Variants in CLEC16A observed in about 807,000 individuals in gnomAD.
CLEC16A encodes the protein protein CLEC16A.
A neutral mutation model predicts 109.5 loss-of-function variants in CLEC16A; 51 were observed. That is an observed-to-expected ratio of 0.47 (90% CI 0.37 to 0.59). The LOEUF (loss-of-function observed/expected upper bound fraction) is 0.59. Ranked by LOEUF, CLEC16A falls within the 20% of genes least tolerant of loss-of-function variation. The pLI is 0.00. For synonymous variants in CLEC16A, 673 were observed against 564.2 expected (o/e 1.19, Z -2.73); for missense variants, 1,339 against 1,394.0 (o/e 0.96, Z 0.63).
At chr16:11,019,259 C>A (rs1260200779) in intron 11 of CLEC16A, among the ~76,000 whole-genome samples, 1 of 152,200 alleles carries the variant, frequency 6.6e-6, no homozygotes, top group Non-Finnish European at 1.5e-5. Context: ...AAAGCCCAAC[C>A]CTCATCCATC....
intron 19 of CLEC16A, among the ~76,000 whole-genome samples, chr16:11,082,536 G>A (rs2049782223): frequency 6.6e-6 from 1 of 152,164 alleles, no homozygotes; most frequent in African/African-American, 2.4e-5. Flanking sequence ...CTATCCCAGT[G>A]GGTTTACTGG....
At chr16:11,166,609 A>G (rs2153092584) in intron 23 of CLEC16A, 57 bp downstream of exon 23, 1 of 1,478,782 alleles carries the variant, frequency 6.8e-7, no homozygotes, top group Non-Finnish European at 9.0e-7. Context: ...GTGATCCCTC[A>G]CCATTACCAA....
rs1426090637 is a variant in CLEC16A, at chr16:11,111,237, CATT to C, written c.2117-9377_2117-9375del. On this transcript the variant is annotated intron_variant, in intron 19 of 23. Transcript: ENST00000409790. The stretch of plus-strand genomic sequence containing the variant: ...ATGGCTTAAAACAACTATGGGAATT[CATT>C]TTGCTAGCAAATGTATAATTTGCCC... Among the ~76,000 whole-genome samples, 5 of 152,172 alleles carry C rather than the reference CATT, an allele frequency of 3.3e-5. No homozygotes were observed. In the East Asian group the frequency reaches 5.8e-4, roughly 18 times the overall value.
chr16:10,944,698 G>A lies in CLEC16A; in HGVS notation c.-20G>A, dbSNP rs770541297. On this transcript the variant is annotated 5_prime_UTR_variant, in exon 1 of 24. Coordinates refer to ENST00000409790, the MANE Select transcript of CLEC16A (RefSeq NM_015226.3). ...TCCGGCATGAGACCGTGAGACGAGAGACGGGTCGGGGCCGCCGACATGTTT... is the reference window on the plus strand; with the variant it reads ...TCCGGCATGAGACCGTGAGACGAGAAACGGGTCGGGGCCGCCGACATGTTT... 1.3e-6 allele frequency: 2 copies of A among 1,596,540 alleles called. No homozygotes were observed. Among genetic ancestry groups the A allele is most frequent in the Non-Finnish European group, 1.7e-6 (2 of 1,171,794 alleles).
At chr16:10,968,335 A>G (rs1394257548) in intron 3 of CLEC16A, among the ~76,000 whole-genome samples, 1 of 152,212 alleles carries the variant, frequency 6.6e-6, no homozygotes, top group East Asian at 1.9e-4. Flanking sequence ...CAGGAGATGC[A>G]GTGTTGGAAT....
chr16:10,970,116 G>A (rs551349032), intron 4 of CLEC16A, among the ~76,000 whole-genome samples: 7 of 152,304 alleles, frequency 4.6e-5, no homozygotes, highest in African/African-American at 9.6e-5. Flanking sequence ...GGCACTGGTC[G>A]TGCTGGGGCT....
chr16:11,023,658 C>G (rs972561149), intron 12 of CLEC16A, among the ~76,000 whole-genome samples: 2 of 149,736 alleles, frequency 1.3e-5, no homozygotes, highest in Non-Finnish European at 3.0e-5. Context: ...ATCAGAGATA[C>G]ATGTATAGAG....
rs1416595628 is a variant in CLEC16A, at chr16:10,961,959, CT to C, written c.210-488del. Reference sequence around the variant, plus strand: ...TAAAGCTTTTTGGGAACTTTTTTTTCTTTTTTTTCTTTTTTTTTTTTTTGGC... The same window carrying C: ...TAAAGCTTTTTGGGAACTTTTTTTTCTTTTTTTCTTTTTTTTTTTTTTGGC... On this transcript the variant is annotated intron_variant, in intron 2 of 23. Transcript: ENST00000409790. The surrounding 1 kb of genome is among the most constrained non-coding windows in gnomAD (Gnocchi z 4.3). Among the ~76,000 whole-genome samples, 1 of 92,834 alleles carries C rather than the reference CT, an allele frequency of 1.1e-5. No individual in the cohort carries two copies. The highest frequency in any genetic ancestry group is 2.0e-5 in the Non-Finnish European group (1 of 49,948). The allele number at this position is 92,834 out of a possible 152,430, so 60.9% of individuals were successfully genotyped here. A position where few individuals can be genotyped will look rare whatever the true frequency, so the allele number is the denominator to read the frequency against.
At chr16:11,116,264 G>T (rs2051985989) in intron 19 of CLEC16A, among the ~76,000 whole-genome samples, 1 of 151,870 alleles carries the variant, frequency 6.6e-6, no homozygotes. Flanking sequence ...GCGTGGTGGT[G>T]TTTGCCTATA....
At chr16:11,058,324 C>T (rs1304902316) in intron 18 of CLEC16A, among the ~76,000 whole-genome samples, 2 of 152,212 alleles carry the variant, frequency 1.3e-5, no homozygotes, top group Non-Finnish European at 2.9e-5. Context: ...ATACCAAAAT[C>T]CACAGATGCT....
intron 19 of CLEC16A, among the ~76,000 whole-genome samples, chr16:11,067,960 A>G (rs1567272221): frequency 6.6e-6 from 1 of 152,214 alleles, no homozygotes; most frequent in East Asian, 1.9e-4. Flanking sequence ...CAACCCAACT[A>G]TTTGGGTTGT....
chr16:10,967,229 C>T (rs902649171), intron 3 of CLEC16A, among the ~76,000 whole-genome samples: 8 of 152,160 alleles, frequency 5.3e-5, no homozygotes, highest in African/African-American at 1.7e-4. Context: ...ATCACGATCC[C>T]GGGCTCCCAG....
At chr16:11,068,245 G>A (rs1305503607) in intron 19 of CLEC16A, among the ~76,000 whole-genome samples, 1 of 152,190 alleles carries the variant, frequency 6.6e-6, no homozygotes, top group African/African-American at 2.4e-5. Flanking sequence ...GAACAATAAG[G>A]TGGATATAGA....
intron 18 of CLEC16A, among the ~76,000 whole-genome samples, chr16:11,060,284 A>G (rs2048409898): frequency 6.6e-6 from 1 of 152,220 alleles, no homozygotes; most frequent in Non-Finnish European, 1.5e-5. Context: ...CGTCAGCAGC[A>G]CACCCCCTGT....
chr16:11,006,859 T>C (rs768378651), intron 11 of CLEC16A, among the ~76,000 whole-genome samples: 7 of 149,724 alleles, frequency 4.7e-5, no homozygotes, highest in Non-Finnish European at 1.0e-4. Flanking sequence ...TTGCTCTGCC[T>C]CAGGTCCCAA....
At chr16:11,062,847 C>T (rs895620609) in intron 19 of CLEC16A, among the ~76,000 whole-genome samples, 2 of 139,448 alleles carry the variant, frequency 1.4e-5, no homozygotes, top group Admixed American at 8.0e-5. Context: ...AATCATAAAC[C>T]AGTCTTTCTC....
At chr16:11,172,042 TCCCACACA>T (rs1436554050) in intron 23 of CLEC16A, among the ~76,000 whole-genome samples, 1 of 150,050 alleles carries the variant, frequency 6.7e-6, no homozygotes, top group Non-Finnish European at 1.5e-5. Flanking sequence ...ATAGTCACAC[TCCCACACA>T]CATACATGCA....
Position 11,178,413 on chromosome 16 carries a change from C to T in CLEC16A, c.2885C>T (p.Ser962Phe). 1 of 1,613,834 alleles carries T rather than the reference C, an allele frequency of 6.2e-7. No homozygotes were observed. The highest frequency in any genetic ancestry group is 8.5e-7 in the Non-Finnish European group (1 of 1,179,906). The change falls in exon 24 of 24, where the codon TCT becomes TTT. Residue 962 changes from serine (S) to phenylalanine (F), a missense_variant. Coordinates refer to ENST00000409790, the MANE Select transcript of CLEC16A (RefSeq NM_015226.3). The surrounding 1 kb of genome is among the most constrained non-coding windows in gnomAD (Gnocchi z 6.5). Reference sequence around the variant, plus strand: ...ATCGTCAACGAAACGGAAGCAGACTCTAAGCCCAGCAAGAACGTGGCCAGG... The same window carrying T: ...ATCGTCAACGAAACGGAAGCAGACTTTAAGCCCAGCAAGAACGTGGCCAGG... ...LVIVNETEAD[S>F]KPSKNVARSA...
intron 10 of CLEC16A, among the ~76,000 whole-genome samples, chr16:10,987,442 A>G (rs1467757651): frequency 2.0e-5 from 3 of 152,196 alleles, no homozygotes; most frequent in Non-Finnish European, 4.4e-5. Flanking sequence ...CTCTCCTGAT[A>G]TGGCCTCTTC....
Sources: gnomAD v4.1 joint callset for allele counts (sites outside exome capture counted in the v4.1 genomes callset) on GRCh38, gnomAD v4.1.1 for gene constraint, Gnocchi (gnomAD v3.1) non-coding constraint, MANE v1.5 for transcripts, NCBI Gene and HGNC (gene_info 2026-07-23, HGNC 2026-07-21) for gene names.